GALNT13: variants seen among roughly 807,000 people sequenced by gnomAD.
GALNT13 encodes the protein polypeptide N-acetylgalactosaminyltransferase 13.
A neutral mutation model predicts 64.2 loss-of-function variants in GALNT13; 28 were observed. The ratio of observed to expected loss-of-function variants is 0.44; its 90% confidence interval spans 0.32 to 0.60. The LOEUF is 0.60. Ranked by LOEUF, GALNT13 falls within the 20% of genes least tolerant of loss-of-function variation. GALNT13 has a pLI of 0.05. For missense variants in GALNT13, 577 were observed against 669.8 expected (o/e 0.86, Z 1.53); for synonymous variants, 214 against 224.6 (o/e 0.95, Z 0.42).
intron 8 of GALNT13, 82 bp from the exon 9 acceptor site, chr2:154,301,327 T>C (rs1432151922): frequency 9.5e-6 from 11 of 1,157,384 alleles, no homozygotes; most frequent in African/African-American, 1.5e-5. Flanking sequence ...ACATGTAAAA[T>C]ACGAAGATTT....
chr2:153,482,346 G>A, the GALNT13 span, among the ~76,000 whole-genome samples: 1 of 152,156 alleles, frequency 6.6e-6, no homozygotes, highest in Non-Finnish European at 1.5e-5. Context: ...AGAGTATTAA[G>A]TAATAGTTTG....
intron 4 of GALNT13, among the ~76,000 whole-genome samples, chr2:154,165,280 T>C (rs1684964861): frequency 6.6e-6 from 1 of 152,134 alleles, no homozygotes; most frequent in African/African-American, 2.4e-5. Context: ...TAAGACAAAA[T>C]TCATCAATAA....
chr2:153,241,825 TGTAATGGGGAGAGGGGTATCATAGA>T, the GALNT13 span, among the ~76,000 whole-genome samples: 1 of 152,078 alleles, frequency 6.6e-6, no homozygotes, highest in South Asian at 2.1e-4. Context: ...TTTGTCTTTC[TGTAATGGGGAGAGGGGTATCATAGA>T]ATAGTATGTG....
chr2:153,564,084 C>T, the GALNT13 span, among the ~76,000 whole-genome samples: 2 of 152,084 alleles, frequency 1.3e-5, no homozygotes, highest in Non-Finnish European at 2.9e-5. Context: ...CTATCTTTGT[C>T]TTGAACAGGT....
chr2:153,824,405 C>G, the GALNT13 span, among the ~76,000 whole-genome samples: 2 of 152,066 alleles, frequency 1.3e-5, no homozygotes, highest in Admixed American at 6.6e-5. Context: ...ATCATTTTAC[C>G]AAAAAGACAA....
At chr2:153,682,637 T>C in the GALNT13 span, among the ~76,000 whole-genome samples, 1 of 151,816 alleles carries the variant, frequency 6.6e-6, no homozygotes, top group South Asian at 2.1e-4. Flanking sequence ...AGCGACTTTG[T>C]CATGAAATTT....
chr2:154,311,868 G>A (rs529405135), intron 9 of GALNT13, among the ~76,000 whole-genome samples: 3 of 152,326 alleles, frequency 2.0e-5, no homozygotes, highest in South Asian at 2.1e-4. Flanking sequence ...GATTTTGAAA[G>A]AAGAGAAATA....
chr2:153,886,286 T>C (rs775868594), intron 1 of GALNT13, among the ~76,000 whole-genome samples: 1 of 151,852 alleles, frequency 6.6e-6, no homozygotes, highest in Non-Finnish European at 1.5e-5. Context: ...TATGTATGCA[T>C]GTGCCATGTT....
chr2:154,264,583 G>A (rs1440399159), intron 8 of GALNT13, among the ~76,000 whole-genome samples: 4 of 151,986 alleles, frequency 2.6e-5, no homozygotes, highest in Non-Finnish European at 5.9e-5. Flanking sequence ...GTTGCAGTGA[G>A]CCGAGATCAT....
intron 3 of GALNT13, among the ~76,000 whole-genome samples, chr2:154,126,857 TG>T (rs1682310846): frequency 6.6e-6 from 1 of 151,626 alleles, no homozygotes; most frequent in Non-Finnish European, 1.5e-5. Context: ...TGGGAGTGCA[TG>T]AAATACCACA....
At chr2:153,730,780 CAA>C in the GALNT13 span, among the ~76,000 whole-genome samples, 1 of 151,680 alleles carries the variant, frequency 6.6e-6, no homozygotes, top group African/African-American at 2.4e-5. Flanking sequence ...AAGTGACTAA[CAA>C]ATAAAAATGC....
the GALNT13 span, among the ~76,000 whole-genome samples, chr2:153,208,902 C>T: frequency 7.0e-6 from 1 of 142,528 alleles, no homozygotes; most frequent in African/African-American, 2.6e-5. Flanking sequence ...AGATTTGTTT[C>T]TGTGATTTCT....
At chr2:154,083,843 G>A (rs1368759196) in intron 3 of GALNT13, among the ~76,000 whole-genome samples, 1 of 151,856 alleles carries the variant, frequency 6.6e-6, no homozygotes, top group Non-Finnish European at 1.5e-5. Flanking sequence ...GTAATGGTTT[G>A]TGAATTGGGA....
At chr2:154,082,392 T>G (rs1701314799) in intron 3 of GALNT13, among the ~76,000 whole-genome samples, 1 of 151,670 alleles carries the variant, frequency 6.6e-6, no homozygotes, top group Non-Finnish European at 1.5e-5. Context: ...ATTTGATTAT[T>G]GATTCTGTTG....
the GALNT13 span, among the ~76,000 whole-genome samples, chr2:153,861,247 T>C: frequency 2.0e-5 from 3 of 152,226 alleles, no homozygotes; most frequent in Non-Finnish European, 4.4e-5. Context: ...TCTATTATTA[T>C]ATGTAGTGTA....
At chr2:153,796,999 C>T in the GALNT13 span, among the ~76,000 whole-genome samples, 8 of 152,150 alleles carry the variant, frequency 5.3e-5, no homozygotes, top group Non-Finnish European at 7.4e-5. Context: ...ACTTTAGTCA[C>T]GTTTTTTGAT....
intron 3 of GALNT13, among the ~76,000 whole-genome samples, chr2:154,086,385 TTTATA>T (rs1011002107): frequency 4.7e-5 from 7 of 148,082 alleles, no homozygotes; most frequent in South Asian, 2.1e-4. Flanking sequence ...ACCAATTCTA[TTTATA>T]TTATATTTAC....
the GALNT13 span, among the ~76,000 whole-genome samples, chr2:153,171,094 C>T: frequency 6.6e-6 from 1 of 152,160 alleles, no homozygotes; most frequent in African/African-American, 2.4e-5. Flanking sequence ...GGTAGTGCAC[C>T]TTAAGGGAGA....
chr2:153,254,032 C>T, the GALNT13 span, among the ~76,000 whole-genome samples: 1 of 152,242 alleles, frequency 6.6e-6, no homozygotes, highest in Middle Eastern at 3.4e-3. Context: ...GGAATAATTT[C>T]AGAAGGAATG....
Sources: gnomAD v4.1 joint callset for allele counts (sites outside exome capture counted in the v4.1 genomes callset) on GRCh38, gnomAD v4.1.1 for gene constraint, MANE v1.5 for transcripts, NCBI Gene and HGNC (gene_info 2026-07-23, HGNC 2026-07-21) for gene names.